COBLL1: variants seen among roughly 807,000 people sequenced by gnomAD.
COBLL1 encodes cordon-bleu WH2 repeat protein like 1.
A neutral mutation model predicts 94.8 loss-of-function variants in COBLL1; 50 were observed. The observed-to-expected ratio is 0.53, with a 90% CI of 0.42 to 0.67. The LOEUF is 0.67. COBLL1 is among the 30% of genes least tolerant of loss of function. The probability of loss-of-function intolerance (pLI) is 0.00; values close to 1 mark genes in which losing one functional copy is unlikely to be tolerated. For synonymous variants in COBLL1, 448 were observed against 473.8 expected (o/e 0.95, Z 0.71); for missense variants, 1,362 against 1,348.7 (o/e 1.01, Z -0.15).
At chr2:164,741,053 A>G (rs1437595705) in intron 3 of COBLL1, among the ~76,000 whole-genome samples, 1 of 152,098 alleles carries the variant, frequency 6.6e-6, no homozygotes, top group Non-Finnish European at 1.5e-5. Context: ...AGGTGGGTGG[A>G]TCACCTGAGG....
chr2:164,673,880 A>G (rs1018897698), intron 1 of COBLL1, among the ~76,000 whole-genome samples: 2 of 152,190 alleles, frequency 1.3e-5, no homozygotes, highest in African/African-American at 4.8e-5. Flanking sequence ...ATCTCTTTAG[A>G]AACTTGAGAG....
chr2:164,826,279 AAT>A (rs1260112876), intron 2 of COBLL1, among the ~76,000 whole-genome samples: 4 of 152,350 alleles, frequency 2.6e-5, no homozygotes, highest in Admixed American at 2.6e-4. Context: ...TTTTGCATTC[AAT>A]GTGCCAAGAA....
intron 2 of COBLL1, among the ~76,000 whole-genome samples, chr2:164,816,305 A>G (rs1684743150): frequency 6.6e-6 from 1 of 152,106 alleles, no homozygotes; most frequent in African/African-American, 2.4e-5. Flanking sequence ...CAGAAGCTAC[A>G]GTGGGCCCTC....
chr2:164,751,499 G>A (rs889106496), intron 2 of COBLL1, among the ~76,000 whole-genome samples: 1 of 142,852 alleles, frequency 7.0e-6, no homozygotes, highest in African/African-American at 2.7e-5. Context: ...GTAGCCAGAG[G>A]TATAAGAAGT....
At chr2:164,763,399 G>A (rs142917140) in intron 2 of COBLL1, among the ~76,000 whole-genome samples, 51 of 152,120 alleles carry the variant, frequency 3.4e-4, no homozygotes, top group Non-Finnish European at 5.4e-4. Context: ...CAAAATGGAG[G>A]AATTTTCCCT....
At position 164,685,423 on chromosome 2, in the gene COBLL1, T is replaced by C. The variant is rs1376769538; in HGVS notation, c.*523A>G. The C allele has an allele frequency of 6.6e-6, 1 of 152,192 alleles. No individual in the cohort carries two copies. Among genetic ancestry groups the C allele is most frequent in the Non-Finnish European group, 1.5e-5 (1 of 68,030 alleles). The allele number at this position is 152,192 out of a possible 1,614,324, so 9.4% of individuals were successfully genotyped here. On this transcript the variant is annotated 3_prime_UTR_variant, in exon 14 of 14. Transcript: ENST00000652658. ...GTCTTTCACACTAAGTGATTCATCA[T>C]TGAAAATAATTATTGAACTGAATAT...
Position 164,684,382 on chromosome 2 carries a change from A to AATTTATATATTTATATTT in COBLL1, c.*1563_*1564insAAATATAAATATATAAAT, listed in dbSNP as rs1683182884. 1 of 152,126 alleles carries AATTTATATATTTATATTT rather than the reference A, an allele frequency of 6.6e-6. No individual in the cohort carries two copies. The highest frequency in any genetic ancestry group is 2.4e-5 in the African/African-American group (1 of 41,444). 9.4% of individuals were successfully genotyped at this position (152,126 alleles called of 1,614,324 possible). On this transcript the variant is annotated 3_prime_UTR_variant, in exon 14 of 14. Coordinates refer to ENST00000652658, the MANE Select transcript of COBLL1 (RefSeq NM_001365672.2). ...ATATGAAGGTTTAAATTAGGGATCC[A>AATTTATATATTTATATTT]AATTTATATTTTTATAAGTAGATAA...
At chr2:164,805,333 C>CTATATATATATATATATATATA (rs1406604214) in intron 2 of COBLL1, among the ~76,000 whole-genome samples, 1 of 20,558 alleles carries the variant, frequency 4.9e-5, no homozygotes, top group Non-Finnish European at 8.8e-5. Flanking sequence ...CTCTCTCTCT[C>CTATATATATATATATATATATA]TCTCTATATA....
intron 1 of COBLL1, among the ~76,000 whole-genome samples, chr2:164,667,058 C>T (rs1010173800): frequency 6.6e-6 from 1 of 152,014 alleles, no homozygotes; most frequent in African/African-American, 2.4e-5. Context: ...TATAGCCCCA[C>T]AAAATGTATT....
At chr2:164,815,121 C>T (rs1254457726) in intron 2 of COBLL1, among the ~76,000 whole-genome samples, 2 of 151,954 alleles carry the variant, frequency 1.3e-5, no homozygotes, top group African/African-American at 4.8e-5. Context: ...CTTTCCAGGC[C>T]AGACACAGGG....
At chr2:164,698,608 G>T (rs1684074831) in intron 11 of COBLL1, among the ~76,000 whole-genome samples, 1 of 151,712 alleles carries the variant, frequency 6.6e-6, no homozygotes, top group African/African-American at 2.4e-5. Context: ...TTGTTTTTCT[G>T]AAATTCAATA....
At chr2:164,747,829 T>C (rs1686944326) in intron 2 of COBLL1, among the ~76,000 whole-genome samples, 1 of 152,184 alleles carries the variant, frequency 6.6e-6, no homozygotes, top group African/African-American at 2.4e-5. Context: ...GTTATTTCAA[T>C]TTAATAATGT....
intron 2 of COBLL1, among the ~76,000 whole-genome samples, chr2:164,662,202 T>G (rs1276998842): frequency 6.6e-6 from 1 of 152,204 alleles, no homozygotes; most frequent in Non-Finnish European, 1.5e-5. Flanking sequence ...AAATTTGGCT[T>G]CAGGCTCTCC....
At chr2:164,719,559 C>A (rs1197893979) in intron 7 of COBLL1, among the ~76,000 whole-genome samples, 5 of 152,128 alleles carry the variant, frequency 3.3e-5, no homozygotes, top group Non-Finnish European at 7.4e-5. Context: ...TTCGCTGTGG[C>A]AGCATAATGC....
At chr2:164,755,059 G>T (rs1419545841) in intron 2 of COBLL1, among the ~76,000 whole-genome samples, 2 of 152,164 alleles carry the variant, frequency 1.3e-5, no homozygotes, top group Non-Finnish European at 2.9e-5. Context: ...CAGCTACTCG[G>T]TAGGCTGAGC....
At position 164,683,947 on chromosome 2, in the gene COBLL1, A is replaced by C. The variant is rs1422797804; in HGVS notation, c.*1999T>G. The C allele has an allele frequency of 1.3e-5, 2 of 152,154 alleles. No homozygotes were observed. The highest frequency in any genetic ancestry group is 2.9e-5 in the Non-Finnish European group (2 of 68,020). 9.4% of individuals were successfully genotyped at this position (152,154 alleles called of 1,614,324 possible). A position where few individuals can be genotyped will look rare whatever the true frequency, so the allele number is the denominator to read the frequency against. The stretch of plus-strand genomic sequence containing the variant: ...TGCAGATGTCTCCTTATGCATGTGC[A>C]TAAGTACTTATTTAAGGTAACATGG... On this transcript the variant is annotated 3_prime_UTR_variant, in exon 14 of 14. Transcript: ENST00000652658.
chr2:164,756,092 A>AGG (rs755271220), intron 2 of COBLL1, among the ~76,000 whole-genome samples: 2 of 150,502 alleles, frequency 1.3e-5, no homozygotes, highest in East Asian at 3.9e-4. Flanking sequence ...GGAGGGAGGG[A>AGG]GAGAGAGAGA....
At chr2:164,782,849 A>C (rs1688780941) in intron 2 of COBLL1, among the ~76,000 whole-genome samples, 1 of 152,240 alleles carries the variant, frequency 6.6e-6, no homozygotes, top group Non-Finnish European at 1.5e-5. Flanking sequence ...TAACATTCAA[A>C]ATAACAAGAA....
At position 164,756,922 on chromosome 2, in the gene COBLL1, G is replaced by A. The variant is rs116815265; in HGVS notation, c.42-13047C>T. ...TCACTGGAACTTGAATTGCAAAACT[G>A]GAATAACACTTCCTGCCTCTCAAGG... On this transcript the variant is annotated intron_variant, in intron 2 of 13. Coordinates refer to ENST00000652658, the MANE Select transcript of COBLL1 (RefSeq NM_001365672.2). Among the ~76,000 whole-genome samples, 519 of 152,218 alleles carry A rather than the reference G, an allele frequency of 3.4e-3. 2 individuals carry two copies. The highest frequency in any genetic ancestry group is 0.012 in the African/African-American group (499 of 41,540).
Sources: gnomAD v4.1 joint callset for allele counts (sites outside exome capture counted in the v4.1 genomes callset) on GRCh38, gnomAD v4.1.1 for gene constraint, MANE v1.5 for transcripts, NCBI Gene and HGNC (gene_info 2026-07-23, HGNC 2026-07-21) for gene names.